TMEM9: variants seen among roughly 807,000 people sequenced by gnomAD.
TMEM9 encodes the protein proton-transporting V-type ATPase complex assembly regulator TMEM9.
TMEM9 carries 13 observed loss-of-function variants against 22.8 expected under a neutral mutation model. The ratio of observed to expected loss-of-function variants is 0.57; its 90% CI spans 0.37 to 0.91. The LOEUF (loss-of-function observed/expected upper bound fraction) is 0.91. TMEM9 is among the 40% of genes least tolerant of loss of function. TMEM9 has a pLI of 0.01. For synonymous variants in TMEM9, 88 were observed against 93.0 expected, an observed-to-expected ratio of 0.95 and a Z score of 0.31; for missense variants, 182 against 238.1, an observed-to-expected ratio of 0.76 and a Z score of 1.55.
At chr1:201,144,782 G>C (rs879917775) in intron 3 of TMEM9, 1 of 152,066 alleles carries the variant, frequency 6.6e-6, no homozygotes, top group Non-Finnish European at 1.5e-5. Flanking sequence ...AATGCCCCCT[G>C]GGGGGGCTGT....
At chr1:201,142,353 G>A (rs1664600379) in intron 4 of TMEM9, among the ~76,000 whole-genome samples, 1 of 152,164 alleles carries the variant, frequency 6.6e-6, no homozygotes, top group Admixed American at 6.5e-5. Flanking sequence ...TTAGACTTGA[G>A]CCCCTGGGTC....
upstream of TMEM9, among the ~76,000 whole-genome samples, chr1:201,155,702 G>A (rs948551942): frequency 2.6e-5 from 4 of 152,212 alleles, no homozygotes; most frequent in African/African-American, 9.7e-5. Context: ...TCCCTTCCTA[G>A]TTGTGTGAAT....
chr1:201,168,088 G>A (rs1228650699), intron 1 of TMEM9, among the ~76,000 whole-genome samples: 2 of 152,180 alleles, frequency 1.3e-5, no homozygotes, highest in Non-Finnish European at 2.9e-5. Context: ...ATTGTTCTAT[G>A]TAGCAGTTCA....
chr1:201,170,609 T>C (rs1666187424), intron 1 of TMEM9, among the ~76,000 whole-genome samples: 1 of 152,050 alleles, frequency 6.6e-6, no homozygotes, highest in Non-Finnish European at 1.5e-5. Flanking sequence ...CACAAACAGA[T>C]ATCGGATGTC....
At chr1:201,151,908 T>C in intron 1 of TMEM9, 56 bp from the exon 2 acceptor site, 1 of 1,382,276 alleles carries the variant, frequency 7.2e-7, no homozygotes, top group Non-Finnish European at 1.0e-6. Context: ...GTTCAGGGGG[T>C]TCAGGCTCTA....
At chr1:201,150,039 G>A (rs1216976616) in intron 2 of TMEM9, among the ~76,000 whole-genome samples, 2 of 152,228 alleles carry the variant, frequency 1.3e-5, no homozygotes, top group African/African-American at 4.8e-5. Context: ...AGCCTGAGAG[G>A]TCTAGACAGG....
upstream of TMEM9, among the ~76,000 whole-genome samples, chr1:201,158,513 G>C (rs955111662): frequency 1.3e-5 from 2 of 151,820 alleles, no homozygotes; most frequent in African/African-American, 2.4e-5. Context: ...GACATGTAGA[G>C]AAAGAGTCAA....
chr1:201,149,278 T>C (rs1044786982), intron 2 of TMEM9, among the ~76,000 whole-genome samples: 1 of 152,172 alleles, frequency 6.6e-6, no homozygotes, highest in Non-Finnish European at 1.5e-5. Flanking sequence ...TCTTTCAAAC[T>C]GTACTCTTTT....
intron 4 of TMEM9, among the ~76,000 whole-genome samples, chr1:201,136,943 A>C (rs1558102170): frequency 6.6e-6 from 1 of 152,226 alleles, no homozygotes; most frequent in East Asian, 1.9e-4. Context: ...GCTGGGGCGA[A>C]GGGGGGTGGT....
In TMEM9 at chr1:201,135,659, C is replaced by T; in HGVS notation, c.*4G>A. 3.1e-6 allele frequency: 5 copies of T among 1,606,110 alleles called. No homozygotes were observed. Among genetic ancestry groups the T allele is most frequent in the Non-Finnish European group, 4.3e-6 (5 of 1,176,024 alleles). ...GGGGCCTTGACCCAACCACACCAGC[C>T]CATCTAGCTGAGCATCTTGTGCCGA... is the stretch of plus-strand genomic sequence containing the variant. On this transcript the variant is annotated 3_prime_UTR_variant, in exon 5 of 5. Transcript: ENST00000367330.
At chr1:201,142,691 T>C (rs542048091) in intron 4 of TMEM9, among the ~76,000 whole-genome samples, 2 of 152,330 alleles carry the variant, frequency 1.3e-5, no homozygotes, top group African/African-American at 4.8e-5. Flanking sequence ...CATCAGTCAA[T>C]AAACAGGAGT....
Position 201,147,356 on chromosome 1 carries a change from C to T in TMEM9, c.159-508G>A, listed in dbSNP as rs188222105. Reference sequence around the variant, plus strand: ...CTCCTGCAAACTGGCTCCCCATTTGCAATGGCAGAGAGAACACTTCTACCG... The same window carrying T: ...CTCCTGCAAACTGGCTCCCCATTTGTAATGGCAGAGAGAACACTTCTACCG... On this transcript the variant is annotated intron_variant, in intron 2 of 4. Coordinates refer to ENST00000367330, the MANE Select transcript of TMEM9 (RefSeq NM_001288565.2). Among the ~76,000 whole-genome samples the T allele has an allele frequency of 2.7e-3, 413 of 152,318 alleles. 1 individual carries two copies. Among genetic ancestry groups the T allele is most frequent in the Non-Finnish European group, 4.2e-3 (285 of 68,032 alleles).
chr1:201,138,370 C>T (rs987537398), intron 4 of TMEM9, among the ~76,000 whole-genome samples: 11 of 152,310 alleles, frequency 7.2e-5, no homozygotes, highest in Admixed American at 3.3e-4. Context: ...GAGTTTCCAT[C>T]GCTAATAGTC....
intron 3 of TMEM9, chr1:201,146,479 GA>G: frequency 2.5e-5 from 14 of 567,060 alleles, no homozygotes; most frequent in Non-Finnish European, 3.2e-5. Flanking sequence ...AGAATGCAGG[GA>G]AAAAGGAGTC....
intron 4 of TMEM9, among the ~76,000 whole-genome samples, chr1:201,136,340 G>T (rs74873661): frequency 6.6e-6 from 1 of 152,166 alleles, no homozygotes; most frequent in Non-Finnish European, 1.5e-5. Context: ...CATTGCCCAG[G>T]GGACAGGAAG....
intron 4 of TMEM9, among the ~76,000 whole-genome samples, chr1:201,137,046 C>T (rs1664059482): frequency 6.6e-6 from 1 of 152,244 alleles, no homozygotes; most frequent in Non-Finnish European, 1.5e-5. Context: ...AGGACTTCAT[C>T]TTGTGAGTGC....
Position 201,160,366 on chromosome 1 carries a change from G to A in TMEM9, c.-36-6407C>T, listed in dbSNP as rs554050926. Among the ~76,000 whole-genome samples, 489 of 152,172 alleles carry A rather than the reference G, an allele frequency of 3.2e-3. 2 individuals are homozygous for A. The highest frequency in any genetic ancestry group is 5.3e-3 in the Non-Finnish European group (358 of 68,008). On this transcript the variant is annotated intron_variant, in intron 1 of 5. Coordinates refer to the TMEM9 transcript ENST00000367333. The stretch of plus-strand genomic sequence containing the variant: ...GCACTTTGGGAGGCTGAGGCAGGCG[G>A]ATCACCTGAGGTCGGGAGTTCAAGA...
chr1:201,146,020 T>G (rs1470248499), intron 3 of TMEM9, among the ~76,000 whole-genome samples: 3 of 152,150 alleles, frequency 2.0e-5, no homozygotes, highest in African/African-American at 7.2e-5. Context: ...GTGTGCCAGG[T>G]GCCTGGCCCA....
In TMEM9 at chr1:201,154,013, G is replaced by A. The variant is rs112830357; in HGVS notation, c.-90C>T. ...GGGGAAGGTGGCCACACCGCAGCCA[G>A]CACGCTAGGCCCTTAACCATCCGGC... is the stretch of plus-strand genomic sequence containing the variant. On this transcript the variant is annotated 5_prime_UTR_variant, in exon 1 of 5. Coordinates refer to ENST00000367330, the MANE Select transcript of TMEM9 (RefSeq NM_001288565.2). The A allele has an allele frequency of 9.0e-3, 13,140 of 1,463,228 alleles. 73 individuals carry two copies. Among genetic ancestry groups the A allele is most frequent in the South Asian group, 0.012 (893 of 75,178 alleles). The allele number at this position is 1,463,228 out of a possible 1,614,324, so 90.6% of individuals were successfully genotyped here.
Sources: gnomAD v4.1 joint callset for allele counts (sites outside exome capture counted in the v4.1 genomes callset) on GRCh38, gnomAD v4.1.1 for gene constraint, MANE v1.5 for transcripts, NCBI Gene and HGNC (gene_info 2026-07-23, HGNC 2026-07-21) for gene names.